The following ENOX2 variants were observed in gnomAD, a reference collection of about 807,000 sequenced individuals.
The protein encoded by ENOX2 is APK1 antigen.
ENOX2 carries 36 observed loss-of-function variants against 45.0 expected under a neutral mutation model. That is an observed-to-expected ratio of 0.80 (90% confidence interval 0.61 to 1.06). The LOEUF is 1.06. Ranked by LOEUF, ENOX2 falls within the 50% of genes least tolerant of loss-of-function variation. The pLI is 0.00. For synonymous variants in ENOX2, 174 were observed against 152.3 expected (o/e 1.14, Z -1.05); for missense variants, 423 against 462.5 (o/e 0.91, Z 0.78).
chrX:130,824,995 C>T (rs2077690872), intron 2 of ENOX2, among the ~76,000 whole-genome samples: 1 of 110,790 alleles, frequency 9.0e-6, no homozygotes, highest in Non-Finnish European at 1.9e-5. Flanking sequence ...CCTTCCGCAA[C>T]CCAGCAACAC....
At chrX:130,739,189 G>A (rs1034395546) in intron 3 of ENOX2, among the ~76,000 whole-genome samples, 4 of 112,410 alleles carry the variant, frequency 3.6e-5, no homozygotes, top group Non-Finnish European at 7.5e-5. Flanking sequence ...ATCTTTTCCC[G>A]GGCTAGTGAT....
intron 4 of ENOX2, among the ~76,000 whole-genome samples, chrX:130,691,476 T>C (rs2148187842): frequency 8.9e-6 from 1 of 111,893 alleles, no homozygotes; most frequent in Non-Finnish European, 1.9e-5. Flanking sequence ...TTAGAGAACT[T>C]AAGGCTTCCG....
intron 5 of ENOX2, among the ~76,000 whole-genome samples, chrX:130,688,592 T>C (rs2037507159): frequency 8.9e-6 from 1 of 112,241 alleles, no homozygotes; most frequent in Non-Finnish European, 1.9e-5. Context: ...GCAATCTGTA[T>C]GCTTCCTTCT....
At chrX:130,825,374 G>T (rs766957676) in intron 2 of ENOX2, among the ~76,000 whole-genome samples, 1 of 111,463 alleles carries the variant, frequency 9.0e-6, no homozygotes, top group Non-Finnish European at 1.9e-5. Flanking sequence ...CTTCGGGGGG[G>T]TACTTCCTCT....
chrX:130,725,863 G>C (rs183798872), intron 3 of ENOX2, among the ~76,000 whole-genome samples: 146 of 111,453 alleles, frequency 1.3e-3, no homozygotes, highest in African/African-American at 4.5e-3. Context: ...GGCACAGGCT[G>C]GGTAAAGGGG....
chrX:130,665,851 T>C (rs1228577636), intron 8 of ENOX2, 102 bp from the exon 9 acceptor site: 2 of 518,945 alleles, frequency 3.9e-6, no homozygotes, highest in African/African-American at 4.7e-5. Flanking sequence ...TCAGGCTTGT[T>C]GTATCTTGTT....
At chrX:130,752,505 A>T (rs1297845953) in intron 3 of ENOX2, among the ~76,000 whole-genome samples, 3 of 108,361 alleles carry the variant, frequency 2.8e-5, no homozygotes, top group Non-Finnish European at 3.8e-5. Flanking sequence ...CTGTCTCTCT[A>T]AGTGTCTTGT....
intron 10 of ENOX2, among the ~76,000 whole-genome samples, chrX:130,651,877 C>T (rs2036410894): frequency 9.0e-6 from 1 of 111,128 alleles, no homozygotes; most frequent in Non-Finnish European, 1.9e-5. Flanking sequence ...AATATGGATC[C>T]CTTCCCTTTC....
chrX:130,869,350 C>T (rs1439366193), intron 2 of ENOX2, among the ~76,000 whole-genome samples: 1 of 111,196 alleles, frequency 9.0e-6, no homozygotes, highest in Non-Finnish European at 1.9e-5. Flanking sequence ...CAAAATAGTT[C>T]CTAATCACCT....
Position 130,797,992 on chromosome X carries a change from T to C in ENOX2, c.-182-14302A>G, listed in dbSNP as rs1449347640. Among the ~76,000 whole-genome samples the C allele has an allele frequency of 2.7e-5, 3 of 110,727 alleles. No individual in the cohort carries two copies. The East Asian group carries it at 8.5e-4, about 31-fold the overall frequency. ...GCAGTGTGTCTTATCCCTGGCTACA[T>C]ATTAAATTCAACTGGAGCACTGAGA... is the stretch of plus-strand genomic sequence containing the variant. On this transcript the variant is annotated intron_variant, in intron 2 of 14. Coordinates refer to ENST00000394363, the MANE Select transcript of ENOX2 (RefSeq NM_006375.4).
intron 2 of ENOX2, among the ~76,000 whole-genome samples, chrX:130,881,253 C>T (rs2078803368): frequency 8.9e-6 from 1 of 112,494 alleles, no homozygotes; most frequent in Non-Finnish European, 1.9e-5. Flanking sequence ...AACACAGTTC[C>T]ATCAGGCAGC....
intron 11 of ENOX2, among the ~76,000 whole-genome samples, chrX:130,635,552 A>G (rs1031581001): frequency 1.2e-4 from 14 of 112,380 alleles, no homozygotes; most frequent in Admixed American, 5.7e-4. Flanking sequence ...AGGAAGCTAT[A>G]TTTAGCATTA....
intron 2 of ENOX2, among the ~76,000 whole-genome samples, chrX:130,859,408 A>G (rs2078373496): frequency 8.9e-6 from 1 of 112,986 alleles, no homozygotes; most frequent in Non-Finnish European, 1.9e-5. Context: ...ACATAAAATG[A>G]TTTTTAAAAA....
chrX:130,876,767 T>C (rs889906372), intron 2 of ENOX2, among the ~76,000 whole-genome samples: 1 of 111,609 alleles, frequency 9.0e-6, no homozygotes, highest in East Asian at 2.8e-4. Context: ...CTCAATTTAT[T>C]CTGTAGGTTG....
At chrX:130,892,416 C>G (rs762143954) in intron 2 of ENOX2, among the ~76,000 whole-genome samples, 1 of 112,340 alleles carries the variant, frequency 8.9e-6, no homozygotes, top group Non-Finnish European at 1.9e-5. Context: ...AGAAAAAGCT[C>G]GGAAGTAGCA....
At chrX:130,842,367 T>C (rs1456617360) in intron 2 of ENOX2, among the ~76,000 whole-genome samples, 1 of 112,411 alleles carries the variant, frequency 8.9e-6, no homozygotes, top group Non-Finnish European at 1.9e-5. Flanking sequence ...CTTTTTATGA[T>C]AAGAAATCAG....
chrX:130,812,018 G>A (rs1395335918), intron 2 of ENOX2, among the ~76,000 whole-genome samples: 1 of 111,340 alleles, frequency 9.0e-6, no homozygotes, highest in Non-Finnish European at 1.9e-5. Context: ...TATACAGTAA[G>A]AGGAAAAAAA....
Position 130,635,029 on chromosome X carries a change from A to G in ENOX2, c.1374T>C (p.Asp458=). The part of the protein sequence containing the change: ...KKEAELEKLK[D]DKLQVEKMLE... ...ACATTTTTTCCACCTGTAACTTGTCATCTTTGAGTTTTTCAAGTTCAGCTT... is the reference window on the plus strand; with the variant it reads ...ACATTTTTTCCACCTGTAACTTGTCGTCTTTGAGTTTTTCAAGTTCAGCTT... Residue 458 remains aspartate (D), a synonymous_variant, in exon 12 of 15, where the codon GAT becomes GAC. Coordinates refer to ENST00000394363, the MANE Select transcript of ENOX2 (RefSeq NM_006375.4). 1 of 1,199,242 alleles carries G rather than the reference A, an allele frequency of 8.3e-7. No individual in the cohort carries two copies. The highest frequency in any genetic ancestry group is 2.2e-5 in the Admixed American group (1 of 45,627).
intron 2 of ENOX2, among the ~76,000 whole-genome samples, chrX:130,828,468 AC>A (rs1471358801): frequency 1.8e-5 from 2 of 112,214 alleles, no homozygotes; most frequent in African/African-American, 6.5e-5. Flanking sequence ...TGATAGGAAA[AC>A]AAAAACTTCT....
Sources: allele counts gnomAD v4.1 joint callset (sites outside exome capture counted in the v4.1 genomes callset), GRCh38; gene constraint gnomAD v4.1.1; transcripts MANE v1.5; gene names NCBI Gene and HGNC (gene_info 2026-07-23, HGNC 2026-07-21).